Variants in ZZEF1 observed in about 807,000 individuals in gnomAD.
The protein encoded by ZZEF1 is zinc finger ZZ-type and EF-hand domain containing 1, also known as zinc finger ZZ-type and EF-hand domain-containing protein 1.
ZZEF1 carries 157 observed loss-of-function variants against 342.8 expected under a neutral mutation model. The observed-to-expected ratio is 0.46, with a 90% CI of 0.40 to 0.52. The LOEUF (loss-of-function observed/expected upper bound fraction) is 0.52, where lower values mean the gene tolerates loss of function less well. ZZEF1 is among the 20% of genes least tolerant of loss of function. The pLI, the probability that ZZEF1 is intolerant of heterozygous loss-of-function variation, is 0.00. For synonymous variants in ZZEF1, 1,505 were observed against 1,429.1 expected (o/e 1.05, Z -1.20); for missense variants, 3,480 against 3,725.6 (o/e 0.93, Z 1.72).
chr17:4,127,745 G>T (rs2058594869), intron 1 of ZZEF1, among the ~76,000 whole-genome samples: 1 of 152,174 alleles, frequency 6.6e-6, no homozygotes. Flanking sequence ...TGCTCAATGT[G>T]TAAGACTCAA....
Position 4,006,851 on chromosome 17 carries a change from G to T in ZZEF1, c.*39C>A, listed in dbSNP as rs1259912935. The T allele has an allele frequency of 6.4e-7, 1 of 1,550,454 alleles. No homozygotes were observed. On this transcript the variant is annotated 3_prime_UTR_variant, in exon 55 of 55. Transcript: ENST00000381638. ...GTTAGATGTCTGCTCTAAAATCCCTGTGGCAGATGAACTAGTCCCATGCAC... is the reference window on the plus strand; with the variant it reads ...GTTAGATGTCTGCTCTAAAATCCCTTTGGCAGATGAACTAGTCCCATGCAC...
intron 1 of ZZEF1, among the ~76,000 whole-genome samples, chr17:4,132,323 A>G (rs1379912142): frequency 2.6e-5 from 4 of 151,948 alleles, no homozygotes; most frequent in African/African-American, 9.7e-5. Context: ...AGCTGGGATT[A>G]AAGGCATGCG....
At position 4,016,422 on chromosome 17, in the gene ZZEF1, C is replaced by T. The variant is rs752033761; in HGVS notation, c.8046G>A (p.Gly2682=). ...VLQGCREDML[G]TMALAACQFM... is the part of the protein sequence containing the mutation. Reference sequence around the variant, plus strand: ...ACTGGCATGCAGCCAGGGCCATGGTCCCCAGCATGTCCTCTCGGCAGCCCT... The same window carrying T: ...ACTGGCATGCAGCCAGGGCCATGGTTCCCAGCATGTCCTCTCGGCAGCCCT... Residue 2682 remains glycine, a synonymous_variant, in exon 49 of 55, where the codon GGG becomes GGA. Coordinates refer to ENST00000381638, the MANE Select transcript of ZZEF1 (RefSeq NM_015113.4). This position sits in a 1 kb window ranked among gnomAD's most constrained non-coding sequence, Gnocchi z 4.4. The T allele has an allele frequency of 2.5e-6, 4 of 1,613,962 alleles. No individual in the cohort carries two copies. In the African/African-American group the frequency reaches 4.0e-5, roughly 16 times the overall value.
Position 4,005,842 on chromosome 17 carries a change from C to T in ZZEF1, c.*1048G>A, listed in dbSNP as rs987995487. 1.3e-5 allele frequency: 2 copies of T among 152,288 alleles called. No individual in the cohort carries two copies. The highest frequency in any genetic ancestry group is 2.9e-5 in the Non-Finnish European group (2 of 68,132). 9.4% of individuals were successfully genotyped at this position (152,288 alleles called of 1,614,324 possible). The stretch of plus-strand genomic sequence containing the variant: ...GCCAGACTTGCTTCATGTTCCCAAG[C>T]GTGGCTCTGGAGGGAGAATCATCAT... On this transcript the variant is annotated 3_prime_UTR_variant, in exon 55 of 55. Transcript: ENST00000381638.
At chr17:4,124,302 CAA>C (rs1198638695) in intron 1 of ZZEF1, among the ~76,000 whole-genome samples, 1 of 152,070 alleles carries the variant, frequency 6.6e-6, no homozygotes, top group Non-Finnish European at 1.5e-5. Context: ...TTAAGTAATC[CAA>C]GAGAGTAATT....
At chr17:4,121,346 G>A (rs7212168) in intron 2 of ZZEF1, among the ~76,000 whole-genome samples, 24,373 of 152,202 alleles carry the variant, frequency 0.16, 2,002 homozygotes, top group East Asian at 0.18. Flanking sequence ...AATTCAGGCC[G>A]GGTGCAGTGG....
At chr17:4,103,613 G>A (rs1002762083) in intron 8 of ZZEF1, among the ~76,000 whole-genome samples, 4 of 151,904 alleles carry the variant, frequency 2.6e-5, no homozygotes, top group African/African-American at 4.8e-5. Flanking sequence ...ACACTAAGAC[G>A]AAGGTAGAAA....
At chr17:4,018,808 T>A (rs1401414572) in intron 46 of ZZEF1, among the ~76,000 whole-genome samples, 1 of 152,010 alleles carries the variant, frequency 6.6e-6, no homozygotes, top group Non-Finnish European at 1.5e-5. Flanking sequence ...GTGCCACCTC[T>A]GGAGTCTACT....
intron 8 of ZZEF1, 59 bp from the exon 9 acceptor site, chr17:4,102,474 C>T (rs1010593218): frequency 6.7e-6 from 10 of 1,484,062 alleles, no homozygotes; most frequent in Non-Finnish European, 9.4e-6. Flanking sequence ...TGGAAACTAG[C>T]ATGCCTATCT....
chr17:4,016,560 G>A lies in ZZEF1; in HGVS notation c.8002-94C>T. On this transcript the variant is annotated intron_variant, in intron 48 of 54. Transcript: ENST00000381638. This position sits in a 1 kb window ranked among gnomAD's most constrained non-coding sequence, Gnocchi z 4.4. ...AACCCAAGCTCCACCCAAAGGTGCT[G>A]GCATCATCTTAGACCTAGGACGAGC... 1 of 1,463,686 alleles carries A rather than the reference G, an allele frequency of 6.8e-7. No homozygotes were observed. The allele number at this position is 1,463,686 out of a possible 1,614,324, so 90.7% of individuals were successfully genotyped here. A position where few individuals can be genotyped will look rare whatever the true frequency, so the allele number is the denominator to read the frequency against.
At chr17:4,047,402 T>C (rs2056942068) in intron 37 of ZZEF1, among the ~76,000 whole-genome samples, 1 of 152,166 alleles carries the variant, frequency 6.6e-6, no homozygotes, top group South Asian at 2.1e-4. Context: ...CCTAGCACTT[T>C]GGGTGACTGA....
intron 37 of ZZEF1, among the ~76,000 whole-genome samples, chr17:4,049,492 G>A (rs1220482482): frequency 6.6e-6 from 1 of 152,168 alleles, no homozygotes. Context: ...CAGCCTGGGT[G>A]ACAGCGAGAC....
chr17:4,027,495 A>G (rs533890092), intron 42 of ZZEF1, among the ~76,000 whole-genome samples: 44 of 149,600 alleles, frequency 2.9e-4, no homozygotes, highest in Non-Finnish European at 4.9e-4. Context: ...GGGTTTCACC[A>G]TGTTGGCCAG....
chr17:4,081,547 A>G (rs1034842013), intron 17 of ZZEF1, 57 bp from the exon 18 acceptor site: 10 of 1,392,462 alleles, frequency 7.2e-6, no homozygotes, highest in South Asian at 7.1e-5. Context: ...TTTTTATACT[A>G]TTTTAAAAGA....
rs542727529 is a variant in ZZEF1 at position 4,104,806 on chromosome 17, C to A, written c.1400G>T (p.Cys467Phe). 2.5e-6 allele frequency: 4 copies of A among 1,611,850 alleles called. No homozygotes were observed. Among genetic ancestry groups the A allele is most frequent in the Non-Finnish European group, 3.4e-6 (4 of 1,179,360 alleles). Residue 467 changes from cysteine (C) to phenylalanine (F), a missense_variant, in exon 8 of 55, where the codon TGT becomes TTT. Cys to Phe is a radical substitution (Grantham distance 205, BLOSUM62 -2). Coordinates refer to ENST00000381638, the MANE Select transcript of ZZEF1 (RefSeq NM_015113.4). The stretch of plus-strand genomic sequence containing the variant: ...AGTCAGTTCTACCTCTGGGGTAGAA[C>A]AGCAGCTATAAGCAAAGAGCAAAAA... ...DSFLIRITSC[C>F]STPEVELTLL...
chr17:4,021,316 A>C lies in ZZEF1; in HGVS notation c.7217T>G (p.Leu2406Trp), dbSNP rs754040805. The C allele has an allele frequency of 1.9e-6, 3 of 1,594,832 alleles. No individual in the cohort carries two copies. The highest frequency in any genetic ancestry group is 2.6e-6 in the Non-Finnish European group (3 of 1,168,928). ...KTWLLRDLEI[L>W]SIMLYSSKKE... ...TTTTGAGGAGTACAGCATGATGGAC[A>C]AAATCTACACAGAAAGAAAATCCAG... The change falls in exon 45 of 55, where the codon TTG (leucine) becomes TGG (tryptophan). Residue 2406 changes from leucine (L) to tryptophan (W), a missense_variant. By Grantham distance (61) the Leu-to-Trp change is moderately conservative. This residue lies in a region of ZZEF1 where 1,269 missense variants were observed against 1,342.4 expected (regional missense o/e 0.95). Transcript: ENST00000381638.
intron 9 of ZZEF1, among the ~76,000 whole-genome samples, chr17:4,101,878 C>A (rs897023): frequency 0.51 from 77,049 of 151,810 alleles, 21,952 homozygotes; most frequent in East Asian, 0.74. Flanking sequence ...GATCCTCCCA[C>A]CTCGGCCTCC....
chr17:4,103,606 C>T (rs1023001426), intron 8 of ZZEF1, among the ~76,000 whole-genome samples: 2 of 151,890 alleles, frequency 1.3e-5, no homozygotes, highest in Non-Finnish European at 2.9e-5. Flanking sequence ...GTCAGTCACA[C>T]TAAGACGAAG....
chr17:4,047,746 A>G (rs1209753105), intron 37 of ZZEF1, among the ~76,000 whole-genome samples: 1 of 151,624 alleles, frequency 6.6e-6, no homozygotes, highest in African/African-American at 2.4e-5. Context: ...ATCGAGACCA[A>G]CCTGGCTAAC....
Sources: allele counts gnomAD v4.1 joint callset (sites outside exome capture counted in the v4.1 genomes callset), GRCh38; gene constraint gnomAD v4.1.1; regional missense constraint gnomAD v4.1.1; non-coding constraint Gnocchi (gnomAD v3.1); transcripts MANE v1.5; gene names NCBI Gene and HGNC (gene_info 2026-07-23, HGNC 2026-07-21).